Variants in ANO1 observed in about 807,000 individuals in gnomAD.
ANO1 encodes the protein anoctamin 1, also known as anoctamin-1.
ANO1 carries 59 observed loss-of-function variants against 124.0 expected under a neutral mutation model. The ratio of observed to expected loss-of-function variants is 0.48; its 90% confidence interval spans 0.39 to 0.59. ANO1 has a LOEUF of 0.59. ANO1 is among the 20% of genes least tolerant of loss of function. The pLI, the probability that ANO1 is intolerant of heterozygous loss-of-function variation, is 0.00. For synonymous variants in ANO1, 529 were observed against 532.0 expected, an observed-to-expected ratio of 0.99 and a Z score of 0.08; for missense variants, 1,059 against 1,328.0, an observed-to-expected ratio of 0.80 and a Z score of 3.15.
intron 1 of ANO1, among the ~76,000 whole-genome samples, chr11:70,062,994 A>G (rs1171312376): frequency 6.6e-6 from 1 of 152,076 alleles, no homozygotes; most frequent in African/African-American, 2.4e-5. Flanking sequence ...CAGTGGTGCA[A>G]TCTCGGCTCA....
chr11:70,112,142 A>C (rs1376043340), intron 7 of ANO1, among the ~76,000 whole-genome samples: 1 of 152,210 alleles, frequency 6.6e-6, no homozygotes, highest in East Asian at 1.9e-4. Context: ...CTGCAGAGCA[A>C]GTGGCCAGCT....
At chr11:70,159,805 C>T (rs1001711272) in intron 16 of ANO1, among the ~76,000 whole-genome samples, 4 of 152,210 alleles carry the variant, frequency 2.6e-5, no homozygotes, top group Admixed American at 1.3e-4. Context: ...GGCCTCTTGG[C>T]AGGACCGAGG....
At chr11:70,058,548 G>T (rs1365291660) in intron 1 of ANO1, among the ~76,000 whole-genome samples, 2 of 152,172 alleles carry the variant, frequency 1.3e-5, no homozygotes, top group Non-Finnish European at 2.9e-5. Context: ...TAGCAGCCTG[G>T]TGAATTTTCT....
At chr11:70,181,577 C>G (rs1049827536) in intron 23 of ANO1, among the ~76,000 whole-genome samples, 3 of 152,198 alleles carry the variant, frequency 2.0e-5, no homozygotes, top group South Asian at 2.1e-4. Context: ...CAACAAGCGG[C>G]GCTGTGAGCA....
chr11:70,010,179 G>GTGTGTGTGTGTATATATATA, intron 1 of ANO1, among the ~76,000 whole-genome samples: 2 of 83,776 alleles, frequency 2.4e-5, no homozygotes, highest in African/African-American at 4.7e-5. Flanking sequence ...GTGTGTGTGT[G>GTGTGTGTGTGTATATATATA]TATATATATA....
At chr11:70,003,546 A>G (rs1165269232) in intron 1 of ANO1, among the ~76,000 whole-genome samples, 1 of 148,456 alleles carries the variant, frequency 6.7e-6, no homozygotes, top group Admixed American at 6.7e-5. Context: ...CTTTATGTCC[A>G]GTGCTTAGCA....
intron 2 of ANO1, among the ~76,000 whole-genome samples, chr11:70,098,069 C>T (rs376198904): frequency 2.6e-5 from 4 of 152,280 alleles, no homozygotes; most frequent in South Asian, 4.1e-4. Flanking sequence ...TTGGGGCACC[C>T]GCCAAGGCTC....
chr11:70,024,097 T>G lies in ANO1; in HGVS notation c.58+37931T>G, dbSNP rs78169400. Among the ~76,000 whole-genome samples, 427 of 152,354 alleles carry G rather than the reference T, an allele frequency of 2.8e-3. 3 individuals are homozygous for G. Among genetic ancestry groups the G allele is most frequent in the African/African-American group, 9.8e-3 (406 of 41,586 alleles). ...TTTGGGTTGGGTCCACCCTCAGGAC[T>G]ACTCTCTTAGTGTCCAGATGGCAGG... On this transcript the variant is annotated intron_variant, in intron 1 of 27. Coordinates refer to the ANO1 transcript ENST00000531349.
intron 2 of ANO1, among the ~76,000 whole-genome samples, chr11:70,088,475 C>T (rs1373190788): frequency 1.4e-5 from 2 of 145,084 alleles, no homozygotes; most frequent in African/African-American, 2.6e-5. Flanking sequence ...CGCCACTGCA[C>T]GCCAGCCTGG....
intron 11 of ANO1, among the ~76,000 whole-genome samples, chr11:70,145,279 C>T (rs1031028396): frequency 1.3e-5 from 2 of 152,142 alleles, no homozygotes; most frequent in African/African-American, 4.8e-5. Context: ...CAGCTCCACC[C>T]CCACGCTCAC....
chr11:70,047,477 A>C (rs1555005809), intron 1 of ANO1, among the ~76,000 whole-genome samples: 1 of 152,210 alleles, frequency 6.6e-6, no homozygotes, highest in Admixed American at 6.5e-5. Flanking sequence ...TAAACTATGA[A>C]GAAGATAGAA....
chr11:70,101,121 G>A (rs1236627121), intron 2 of ANO1, among the ~76,000 whole-genome samples: 1 of 152,060 alleles, frequency 6.6e-6, no homozygotes, highest in Non-Finnish European at 1.5e-5. Context: ...GGGTGTCAAG[G>A]AGGGTCTCCC....
chr11:69,996,222 C>A (rs1180124031), intron 1 of ANO1, among the ~76,000 whole-genome samples: 1 of 152,226 alleles, frequency 6.6e-6, no homozygotes, highest in African/African-American at 2.4e-5. Context: ...CCATCCTGAG[C>A]TGAATTTGCT....
At chr11:70,036,249 T>A (rs1445409834) in intron 1 of ANO1, among the ~76,000 whole-genome samples, 1 of 152,198 alleles carries the variant, frequency 6.6e-6, no homozygotes, top group Non-Finnish European at 1.5e-5. Flanking sequence ...CTAAGGCACA[T>A]CACCCCAATC....
intron 1 of ANO1, among the ~76,000 whole-genome samples, chr11:70,081,626 A>T (rs899537913): frequency 2.5e-4 from 38 of 152,220 alleles, no homozygotes; most frequent in Non-Finnish European, 5.3e-4. Flanking sequence ...AAGATATTTC[A>T]TATGGATATG....
At chr11:70,053,331 T>A (rs1433528778) in intron 1 of ANO1, among the ~76,000 whole-genome samples, 2 of 152,220 alleles carry the variant, frequency 1.3e-5, no homozygotes, top group Non-Finnish European at 2.9e-5. Flanking sequence ...GGAGTGGACG[T>A]GGCAGACATC....
chr11:70,122,450 CTCTG>C (rs1311936931), intron 8 of ANO1, among the ~76,000 whole-genome samples: 2 of 148,964 alleles, frequency 1.3e-5, no homozygotes, highest in Non-Finnish European at 3.0e-5. Flanking sequence ...CCCCACCTCT[CTCTG>C]TCTCTCTGTC....
At chr11:70,085,889 C>T (rs918406661) in intron 1 of ANO1, among the ~76,000 whole-genome samples, 6 of 152,268 alleles carry the variant, frequency 3.9e-5, no homozygotes, top group East Asian at 3.8e-4. Context: ...CCCCTTTTCC[C>T]GACCAGTGCA....
At chr11:69,972,728 G>C in the ANO1 span, among the ~76,000 whole-genome samples, 5 of 151,938 alleles carry the variant, frequency 3.3e-5, no homozygotes, top group Non-Finnish European at 7.4e-5. Flanking sequence ...CAGAGAGTTC[G>C]GCATGTTGTA....
Sources: allele counts gnomAD v4.1 joint callset (sites outside exome capture counted in the v4.1 genomes callset), GRCh38; gene constraint gnomAD v4.1.1; transcripts MANE v1.5; gene names NCBI Gene and HGNC (gene_info 2026-07-23, HGNC 2026-07-21).